The following SGCZ variants were observed in gnomAD, a reference collection of about 807,000 sequenced individuals.
SGCZ encodes the protein zeta-sarcoglycan.
SGCZ carries 40 observed loss-of-function variants against 41.3 expected under a neutral mutation model. The observed-to-expected ratio is 0.97, with a 90% CI of 0.75 to 1.26. SGCZ has a LOEUF of 1.26. SGCZ is among the 50% of genes most tolerant of loss of function. SGCZ has a pLI of 0.00. For missense variants in SGCZ, 552 were observed against 369.8 expected (o/e 1.49, Z -4.04); for synonymous variants, 206 against 137.5 (o/e 1.50, Z -3.49).
At chr8:14,311,369 G>A (rs926723273) in intron 3 of SGCZ, among the ~76,000 whole-genome samples, 7 of 152,084 alleles carry the variant, frequency 4.6e-5, no homozygotes, top group African/African-American at 1.4e-4. Flanking sequence ...TGCAGCTGAA[G>A]TACTACCATC....
intron 1 of SGCZ, among the ~76,000 whole-genome samples, chr8:15,149,128 G>A (rs780039293): frequency 1.3e-5 from 2 of 152,054 alleles, no homozygotes; most frequent in Non-Finnish European, 2.9e-5. Context: ...CTTCCCCACA[G>A]CAGGTCAGAG....
intron 1 of SGCZ, among the ~76,000 whole-genome samples, chr8:14,610,801 T>C (rs924860488): frequency 6.6e-6 from 1 of 152,128 alleles, no homozygotes; most frequent in East Asian, 1.9e-4. Flanking sequence ...GATAGTTGAG[T>C]GTTCACACAG....
chr8:15,092,321 A>G (rs1200092803), intron 1 of SGCZ, among the ~76,000 whole-genome samples: 1 of 152,238 alleles, frequency 6.6e-6, no homozygotes, highest in African/African-American at 2.4e-5. Flanking sequence ...ATCAATCCTT[A>G]GAACTCCATA....
At chr8:14,879,742 T>G (rs1804511498) in intron 1 of SGCZ, 1 of 152,036 alleles carries the variant, frequency 6.6e-6, no homozygotes, top group Non-Finnish European at 1.5e-5. Context: ...AGATGTCCTT[T>G]CCTGCCAGCC....
chr8:14,984,659 G>A (rs771709986), intron 1 of SGCZ, among the ~76,000 whole-genome samples: 1 of 152,006 alleles, frequency 6.6e-6, no homozygotes, highest in African/African-American at 2.4e-5. Flanking sequence ...TTATATTCAG[G>A]CATGATTTTC....
At position 15,075,072 on chromosome 8, in the gene SGCZ, T is replaced by C. The variant is rs369988533; in HGVS notation, c.39+162513A>G. Among the ~76,000 whole-genome samples, 31 of 152,316 alleles carry C rather than the reference T, an allele frequency of 2.0e-4. 1 individual carries two copies. The highest frequency in any genetic ancestry group is 7.5e-4 in the African/African-American group (31 of 41,570). On this transcript the variant is annotated intron_variant, in intron 1 of 7. Coordinates refer to ENST00000382080, the MANE Select transcript of SGCZ (RefSeq NM_139167.4). ...AAGACTGTGTTGAATAGTCAATCAC[T>C]TTATTCTTTTGGTTCAGCTACTTGA...
intron 4 of SGCZ, among the ~76,000 whole-genome samples, chr8:14,189,061 G>A (rs1805007557): frequency 6.9e-6 from 1 of 143,978 alleles, no homozygotes; most frequent in Middle Eastern, 3.6e-3. Flanking sequence ...GTTTTACTAT[G>A]TTGGCAAGGC....
chr8:14,816,957 C>G (rs1444492301), intron 1 of SGCZ, among the ~76,000 whole-genome samples: 1 of 152,208 alleles, frequency 6.6e-6, no homozygotes, highest in African/African-American at 2.4e-5. Flanking sequence ...TAGACTGTGT[C>G]TAAGCTCACA....
chr8:15,221,008 G>A (rs866472752), intron 1 of SGCZ, among the ~76,000 whole-genome samples: 5 of 152,068 alleles, frequency 3.3e-5, no homozygotes, highest in Non-Finnish European at 7.4e-5. Context: ...CACAGGGGCC[G>A]GTCGTCGGGT....
chr8:14,898,842 A>G (rs17120493), intron 1 of SGCZ, among the ~76,000 whole-genome samples: 14,868 of 152,214 alleles, frequency 0.098, 865 homozygotes, highest in African/African-American at 0.16. Context: ...TATTGTATGC[A>G]TTGTGTGAGG....
chr8:14,893,096 C>T (rs534038307), intron 1 of SGCZ, among the ~76,000 whole-genome samples: 82 of 152,256 alleles, frequency 5.4e-4, no homozygotes, highest in Non-Finnish European at 7.5e-4. Context: ...GTCCATGAGA[C>T]TGGGAAGTTC....
At chr8:14,328,680 T>A (rs1052765998) in intron 2 of SGCZ, among the ~76,000 whole-genome samples, 2 of 152,156 alleles carry the variant, frequency 1.3e-5, no homozygotes, top group Non-Finnish European at 1.5e-5. Flanking sequence ...AAATTTCATA[T>A]CATTATAGTT....
intron 1 of SGCZ, among the ~76,000 whole-genome samples, chr8:15,035,762 G>T (rs1411289327): frequency 6.6e-6 from 1 of 151,862 alleles, no homozygotes; most frequent in Non-Finnish European, 1.5e-5. Flanking sequence ...AATAATAAAG[G>T]GATCAATTTA....
intron 5 of SGCZ, 58 bp from the exon 6 acceptor site, chr8:14,108,293 C>A: frequency 6.7e-7 from 1 of 1,483,288 alleles, no homozygotes. Flanking sequence ...TGGCTTTCAT[C>A]TCTATGTTTA....
intron 5 of SGCZ, among the ~76,000 whole-genome samples, chr8:14,144,136 A>G (rs1376566029): frequency 6.6e-6 from 1 of 152,164 alleles, no homozygotes; most frequent in African/African-American, 2.4e-5. Flanking sequence ...TGTGACTGAC[A>G]TACTGAGACA....
chr8:14,437,094 A>G (rs1800114987), intron 2 of SGCZ, among the ~76,000 whole-genome samples: 1 of 152,190 alleles, frequency 6.6e-6, no homozygotes. Context: ...TGATTTTTAT[A>G]TTATAAAATA....
intron 2 of SGCZ, among the ~76,000 whole-genome samples, chr8:14,362,483 G>T (rs1157275813): frequency 6.6e-6 from 1 of 151,972 alleles, no homozygotes; most frequent in Non-Finnish European, 1.5e-5. Context: ...AGGCTCCATG[G>T]GCGTGGGACC....
chr8:15,180,881 C>T (rs540956376), intron 1 of SGCZ, among the ~76,000 whole-genome samples: 28 of 146,766 alleles, frequency 1.9e-4, no homozygotes, highest in African/African-American at 5.6e-4. Context: ...AGCGAGACTC[C>T]ATCTCAAAAA....
At chr8:14,439,538 A>C (rs974123374) in intron 2 of SGCZ, among the ~76,000 whole-genome samples, 7 of 151,800 alleles carry the variant, frequency 4.6e-5, no homozygotes, top group African/African-American at 1.7e-4. Context: ...TCTTTCCCAA[A>C]ATATTAGCAA....
Sources: allele counts gnomAD v4.1 joint callset (sites outside exome capture counted in the v4.1 genomes callset), GRCh38; gene constraint gnomAD v4.1.1; transcripts MANE v1.5; gene names NCBI Gene and HGNC (gene_info 2026-07-23, HGNC 2026-07-21).